Variants in TMPRSS11F observed in about 807,000 individuals in gnomAD.
The protein encoded by TMPRSS11F is transmembrane serine protease 11F.
TMPRSS11F carries 47 observed loss-of-function variants against 60.2 expected under a neutral mutation model. The observed-to-expected ratio is 0.78, with a 90% CI of 0.62 to 1.00. The LOEUF (loss-of-function observed/expected upper bound fraction) is 1.00. Among genes scored for constraint, TMPRSS11F ranks in the 50% least tolerant of loss-of-function variants. The probability of loss-of-function intolerance (pLI) is 0.00; values close to 1 mark genes in which losing one functional copy is unlikely to be tolerated. For synonymous variants in TMPRSS11F, 166 were observed against 167.3 expected (o/e 0.99, Z 0.06); for missense variants, 519 against 522.9 (o/e 0.99, Z 0.07).
Position 68,099,010 on chromosome 4 carries a change from A to G in TMPRSS11F, c.40T>C (p.Ser14Pro). The G allele has an allele frequency of 6.2e-7, 1 of 1,612,726 alleles. No individual in the cohort carries two copies. The highest frequency in any genetic ancestry group is 8.5e-7 in the Non-Finnish European group (1 of 1,179,546). The change falls in exon 2 of 10, where the codon TCA becomes CCA. Residue 14 changes from serine (S) to proline (P), a missense_variant. Transcript: ENST00000356291. ...APVEFSEAEF[S>P]RAEYQRKQQF... ...TGCTTTCTTTGATATTCAGCTCGTG[A>G]GAATTCAGCTTCTGAAAATTCAACA...
chr4:68,090,484 G>C, intron 3 of TMPRSS11F, 39 bp downstream of exon 3: 2 of 1,545,486 alleles, frequency 1.3e-6, no homozygotes, highest in Non-Finnish European at 1.7e-6. Flanking sequence ...TGATGCAAAA[G>C]ACACATTAAT....
intron 1 of TMPRSS11F, among the ~76,000 whole-genome samples, chr4:68,100,244 G>C (rs532655113): frequency 1.3e-5 from 2 of 152,230 alleles, no homozygotes; most frequent in East Asian, 3.9e-4. Context: ...ATATGGTAGA[G>C]CTGGTGGACT....
At chr4:68,063,402 G>A in intron 8 of TMPRSS11F, 2 of 377,866 alleles carry the variant, frequency 5.3e-6, no homozygotes, top group East Asian at 7.1e-5. Context: ...TTTTGAGATG[G>A]AGTCTTGCTC....
At chr4:68,078,001 G>A (rs2109852064) in intron 3 of TMPRSS11F, among the ~76,000 whole-genome samples, 1 of 152,252 alleles carries the variant, frequency 6.6e-6, no homozygotes, top group African/African-American at 2.4e-5. Flanking sequence ...GACGGAAGCG[G>A]AGACAGGAGG....
At chr4:68,092,089 T>A (rs960042699) in intron 2 of TMPRSS11F, among the ~76,000 whole-genome samples, 3 of 152,098 alleles carry the variant, frequency 2.0e-5, no homozygotes, top group Admixed American at 1.3e-4. Context: ...CCTGGCCAGA[T>A]CTCCAATCTC....
intron 8 of TMPRSS11F, among the ~76,000 whole-genome samples, chr4:68,063,516 A>G (rs1723250360): frequency 6.6e-6 from 1 of 152,034 alleles, no homozygotes; most frequent in African/African-American, 2.4e-5. Context: ...AGCTGGGACT[A>G]CAGGCCTGCA....
At chr4:68,072,852 A>G (rs1723508909) in intron 4 of TMPRSS11F, among the ~76,000 whole-genome samples, 1 of 152,268 alleles carries the variant, frequency 6.6e-6, no homozygotes, top group East Asian at 1.9e-4. Context: ...AAAAGCTGTA[A>G]CTAATGTCAT....
At chr4:68,106,460 A>C (rs893159777) in intron 1 of TMPRSS11F, among the ~76,000 whole-genome samples, 5 of 152,204 alleles carry the variant, frequency 3.3e-5, no homozygotes, top group Non-Finnish European at 7.4e-5. Context: ...AAAAATTCCA[A>C]AGATAAGAAA....
chr4:68,104,576 C>CCTGAG (rs550969548), intron 1 of TMPRSS11F, among the ~76,000 whole-genome samples: 2 of 152,138 alleles, frequency 1.3e-5, no homozygotes, highest in Non-Finnish European at 2.9e-5. Flanking sequence ...TTATAAGTTT[C>CCTGAG]CTGAGGGCTC....
intron 9 of TMPRSS11F, among the ~76,000 whole-genome samples, chr4:68,057,303 G>C (rs894415747): frequency 2.7e-5 from 4 of 146,772 alleles, no homozygotes; most frequent in African/African-American, 1.0e-4. Context: ...AAAAAAAAAG[G>C]AGAAGAAGAA....
At chr4:68,089,478 G>A (rs1723881737) in intron 3 of TMPRSS11F, among the ~76,000 whole-genome samples, 1 of 152,064 alleles carries the variant, frequency 6.6e-6, no homozygotes, top group African/African-American at 2.4e-5. Flanking sequence ...GGAAATGTCT[G>A]ATAATACAGT....
chr4:68,073,974 AC>A lies in TMPRSS11F; in HGVS notation c.317del (p.Gly106ValfsTer11). On this transcript the variant is annotated frameshift_variant, in exon 4 of 10. Transcript: ENST00000356291. LOFTEE classifies it high-confidence loss of function. ...SRIFRHSSVG[G>X]RFIKSHVIKL... ...TGATAACATGAGATTTGATAAATCGACCGCCTACAGAAGAATGTCGAAATAT... is the reference window on the plus strand; with the variant it reads ...TGATAACATGAGATTTGATAAATCGACGCCTACAGAAGAATGTCGAAATAT... 1 of 1,586,830 alleles carries A rather than the reference AC, an allele frequency of 6.3e-7. No individual in the cohort carries two copies. Among genetic ancestry groups the A allele is most frequent in the Non-Finnish European group, 8.6e-7 (1 of 1,169,126 alleles).
chr4:68,059,215 C>A (rs552810191), intron 9 of TMPRSS11F, 111 bp downstream of exon 9: 6 of 1,063,332 alleles, frequency 5.6e-6, no homozygotes, highest in South Asian at 3.5e-5. Flanking sequence ...AAAGTCAGTT[C>A]TCGGTGTAAG....
intron 1 of TMPRSS11F, 94 bp from the exon 2 acceptor site, chr4:68,099,132 C>A (rs946140700): frequency 1.3e-4 from 142 of 1,110,694 alleles, no homozygotes; most frequent in Non-Finnish European, 2.0e-5. Flanking sequence ...ATAGTTTATA[C>A]TGCTAAATAA....
intron 1 of TMPRSS11F, among the ~76,000 whole-genome samples, chr4:68,101,785 A>G (rs1195954434): frequency 6.6e-6 from 1 of 152,196 alleles, no homozygotes; most frequent in South Asian, 2.1e-4. Context: ...TCTATAGTGA[A>G]ACAAATTCAC....
At chr4:68,118,349 C>T (rs1724565362) in intron 1 of TMPRSS11F, among the ~76,000 whole-genome samples, 1 of 152,128 alleles carries the variant, frequency 6.6e-6, no homozygotes, top group Non-Finnish European at 1.5e-5. Flanking sequence ...TTATGTGAAA[C>T]TTCAAGAAAG....
chr4:68,118,190 T>C (rs1395033681), intron 1 of TMPRSS11F, among the ~76,000 whole-genome samples: 2 of 152,196 alleles, frequency 1.3e-5, no homozygotes, highest in Non-Finnish European at 2.9e-5. Context: ...ATTACTATTA[T>C]ATTAAATAAT....
rs1192925664 is a variant in TMPRSS11F, at chr4:68,067,807, T to A, written c.755+811A>T. Among the ~76,000 whole-genome samples the A allele has an allele frequency of 2.0e-5, 3 of 152,294 alleles. No individual in the cohort carries two copies. The East Asian group carries it at 5.8e-4, about 29-fold the overall frequency. ...GAGAATCACCAGGGATAGGCTCCTT[T>A]AATAAGGTGCAGGGTGCAGAAGTAG... is the stretch of plus-strand genomic sequence containing the variant. On this transcript the variant is annotated intron_variant, in intron 7 of 9. Coordinates refer to ENST00000356291, the MANE Select transcript of TMPRSS11F (RefSeq NM_207407.2).
chr4:68,092,001 G>A (rs938912582), intron 2 of TMPRSS11F, among the ~76,000 whole-genome samples: 1 of 151,966 alleles, frequency 6.6e-6, no homozygotes, highest in African/African-American at 2.4e-5. Flanking sequence ...GTCCAGGCTG[G>A]TCTCGAACTC....
Sources: gnomAD v4.1 joint callset for allele counts (sites outside exome capture counted in the v4.1 genomes callset) on GRCh38, gnomAD v4.1.1 for gene constraint, MANE v1.5 for transcripts, NCBI Gene and HGNC (gene_info 2026-07-23, HGNC 2026-07-21) for gene names.